MCTP1: variants seen among roughly 807,000 people sequenced by gnomAD.
MCTP1 encodes multiple C2 and transmembrane domain-containing protein 1.
Under a neutral mutation model 120.6 loss-of-function variants are expected in MCTP1, and 69 were observed. The ratio of observed to expected loss-of-function variants is 0.57; its 90% CI spans 0.47 to 0.70. The LOEUF is 0.70. Ranked by LOEUF, MCTP1 falls within the 30% of genes least tolerant of loss-of-function variation. MCTP1 has a pLI of 0.00. For synonymous variants in MCTP1, 529 were observed against 493.1 expected, an observed-to-expected ratio of 1.07 and a Z score of -0.96; for missense variants, 1,203 against 1,248.8, an observed-to-expected ratio of 0.96 and a Z score of 0.55.
At chr5:94,773,670 T>C (rs1268927270) in intron 19 of MCTP1, among the ~76,000 whole-genome samples, 3 of 152,144 alleles carry the variant, frequency 2.0e-5, no homozygotes, top group Non-Finnish European at 2.9e-5. Context: ...CTCACAATCA[T>C]GGTGGAAGGC....
In MCTP1 at chr5:95,284,463, C is replaced by G; in HGVS notation, c.113G>C (p.Gly38Ala). Residue 38 changes from glycine to alanine, a missense_variant, in exon 1 of 23, where the codon GGC (glycine) becomes GCC (alanine). By Grantham distance (60) the Gly-to-Ala change is moderately conservative. Around this residue, in one of 2 missense-constraint regions of MCTP1, gnomAD observed 463 missense variants for 377.8 expected, o/e 1.23. Coordinates refer to ENST00000515393, the MANE Select transcript of MCTP1 (RefSeq NM_024717.7). This position sits in a 1 kb window ranked among gnomAD's most constrained non-coding sequence, Gnocchi z 5.2. The stretch of plus-strand genomic sequence containing the variant: ...TGGACCCCCAGCGCGCCCGCCCCCG[C>G]CGCCCTTGCTCCTGCCCACCCCCAG... ...LQLGVGRSKGGGGGRAGGPER... is the reference protein window; with the variant it reads ...LQLGVGRSKGAGGGRAGGPER... The G allele has an allele frequency of 6.6e-7, 1 of 1,513,360 alleles. No individual in the cohort carries two copies. Among genetic ancestry groups the G allele is most frequent in the Non-Finnish European group, 8.8e-7 (1 of 1,137,948 alleles). 93.7% of individuals were successfully genotyped at this position (1,513,360 alleles called of 1,614,324 possible).
chr5:95,284,061 G>T lies in MCTP1; in HGVS notation c.515C>A (p.Pro172His). 1 of 1,540,172 alleles carries T rather than the reference G, an allele frequency of 6.5e-7. No individual in the cohort carries two copies. Among genetic ancestry groups the T allele is most frequent in the Non-Finnish European group, 8.7e-7 (1 of 1,143,084 alleles). Residue 172 changes from proline (P) to histidine (H), a missense_variant, in exon 1 of 23, where the codon CCT (proline) becomes CAT (histidine). Pro to His is a moderately conservative substitution (Grantham distance 77). Around this residue, in one of 2 missense-constraint regions of MCTP1, gnomAD observed 463 missense variants for 377.8 expected, o/e 1.23. Transcript: ENST00000515393. The surrounding 1 kb of genome is among the most constrained non-coding windows in gnomAD (Gnocchi z 5.2). ...ASSSLSSSPQPPPRGDRARDE... is the reference protein window; with the variant it reads ...ASSSLSSSPQHPPRGDRARDE... ...TCGGGCGCGGTCCCCCCTCGGGGGA[G>T]GCTGGGGCGAGGAGGACAGGGAGGA... is the stretch of plus-strand genomic sequence containing the variant.
intron 18 of MCTP1, among the ~76,000 whole-genome samples, chr5:94,788,261 G>A (rs1438816061): frequency 6.6e-6 from 1 of 151,990 alleles, no homozygotes; most frequent in East Asian, 1.9e-4. Flanking sequence ...TGTCCTTGAA[G>A]GTATATTTTA....
At chr5:94,739,359 G>A (rs574543660) in intron 19 of MCTP1, 5 of 152,300 alleles carry the variant, frequency 3.3e-5, no homozygotes, top group African/African-American at 1.2e-4. Context: ...ATCACCTGGG[G>A]CAGCAGGAAT....
chr5:95,026,471 A>C (rs549716902), intron 1 of MCTP1, among the ~76,000 whole-genome samples: 1 of 152,232 alleles, frequency 6.6e-6, no homozygotes, highest in South Asian at 2.1e-4. Flanking sequence ...ACTCTCTGGT[A>C]ACCATCCTTC....
intron 17 of MCTP1, among the ~76,000 whole-genome samples, chr5:94,850,409 C>T (rs1472664982): frequency 6.6e-6 from 1 of 152,154 alleles, no homozygotes. Context: ...GTAAGCTTTT[C>T]CACTGCAAGC....
intron 2 of MCTP1, among the ~76,000 whole-genome samples, chr5:94,974,812 C>T (rs565762060): frequency 9.7e-4 from 147 of 151,960 alleles, no homozygotes; most frequent in Middle Eastern, 3.4e-3. Context: ...AATAGTTGCA[C>T]GACTTTTGTA....
At chr5:95,005,992 C>T (rs1439693762) in intron 2 of MCTP1, among the ~76,000 whole-genome samples, 6 of 152,038 alleles carry the variant, frequency 3.9e-5, no homozygotes, top group Admixed American at 3.9e-4. Context: ...TCACACACCC[C>T]CACTCTCACA....
chr5:94,713,488 A>G (rs1052770650), intron 20 of MCTP1, among the ~76,000 whole-genome samples: 11 of 152,134 alleles, frequency 7.2e-5, no homozygotes, highest in Non-Finnish European at 1.2e-4. Flanking sequence ...TTTGGTATAA[A>G]TGAGATGTTT....
intron 2 of MCTP1, chr5:94,981,031 A>G (rs568426386): frequency 6.6e-6 from 1 of 152,320 alleles, no homozygotes; most frequent in African/African-American, 2.4e-5. Flanking sequence ...TGCTAAAAAC[A>G]GTTAATAAGT....
chr5:95,237,325 T>C (rs1342884823), intron 1 of MCTP1, among the ~76,000 whole-genome samples: 1 of 152,144 alleles, frequency 6.6e-6, no homozygotes, highest in Non-Finnish European at 1.5e-5. Context: ...TGTGAAATAT[T>C]AGGTTGGTGC....
At chr5:94,756,580 T>C (rs529125328) in intron 19 of MCTP1, among the ~76,000 whole-genome samples, 4 of 152,326 alleles carry the variant, frequency 2.6e-5, no homozygotes, top group African/African-American at 9.6e-5. Flanking sequence ...AACTCCCTTT[T>C]TCTACCATTC....
intron 19 of MCTP1, among the ~76,000 whole-genome samples, chr5:94,722,917 TAGTC>T (rs1761242112): frequency 6.6e-6 from 1 of 152,198 alleles, no homozygotes; most frequent in Non-Finnish European, 1.5e-5. Context: ...CTAGTTCACT[TAGTC>T]AGGTGCCATG....
chr5:95,056,027 C>T (rs899531153), intron 1 of MCTP1, among the ~76,000 whole-genome samples: 1 of 152,100 alleles, frequency 6.6e-6, no homozygotes, highest in East Asian at 1.9e-4. Context: ...TGTATCTGTC[C>T]ACACATGCAC....
chr5:95,038,019 C>A, intron 1 of MCTP1: 1 of 413,354 alleles, frequency 2.4e-6, no homozygotes. Context: ...TGGGGCATAG[C>A]ATGTCAATGT....
intron 1 of MCTP1, among the ~76,000 whole-genome samples, chr5:95,064,103 T>C (rs1749983194): frequency 6.6e-6 from 1 of 152,232 alleles, no homozygotes; most frequent in Non-Finnish European, 1.5e-5. Context: ...AGTCTAGCTA[T>C]TGGAAAATTA....
intron 10 of MCTP1, among the ~76,000 whole-genome samples, chr5:94,898,548 T>G (rs984669820): frequency 3.0e-4 from 45 of 152,184 alleles, no homozygotes; most frequent in African/African-American, 1.1e-3. Flanking sequence ...TGGGGTAGAT[T>G]CTTCTATATT....
rs550286824 is a variant in MCTP1 at position 95,170,069 on chromosome 5, C to T, written c.720+113787G>A. Among the ~76,000 whole-genome samples, 123 of 152,322 alleles carry T rather than the reference C, an allele frequency of 8.1e-4. 1 individual carries two copies. The highest frequency in any genetic ancestry group is 2.9e-3 in the African/African-American group (120 of 41,574). On this transcript the variant is annotated intron_variant, in intron 1 of 22. Coordinates refer to ENST00000515393, the MANE Select transcript of MCTP1 (RefSeq NM_024717.7). ...ATTTAGTGCTATAAATTTCCCTCTA[C>T]ACACTGCTTTGAATGTGTCCCAGAG...
intron 1 of MCTP1, among the ~76,000 whole-genome samples, chr5:95,132,367 A>G (rs1159247864): frequency 6.6e-6 from 1 of 152,246 alleles, no homozygotes; most frequent in Non-Finnish European, 1.5e-5. Context: ...GCCATGAAGA[A>G]TCAGCAAAGT....
Sources: allele counts gnomAD v4.1 joint callset (sites outside exome capture counted in the v4.1 genomes callset), GRCh38; gene constraint gnomAD v4.1.1; regional missense constraint gnomAD v4.1.1; non-coding constraint Gnocchi (gnomAD v3.1); transcripts MANE v1.5; gene names NCBI Gene and HGNC (gene_info 2026-07-23, HGNC 2026-07-21).